Variants in YTHDC1 observed in about 807,000 individuals in gnomAD.
The protein encoded by YTHDC1 is YTH domain-containing protein 1.
In YTHDC1, 12 loss-of-function variants were observed where a neutral mutation model predicts 107.0. The ratio of observed to expected loss-of-function variants is 0.11; its 90% CI spans 0.07 to 0.18. The LOEUF (loss-of-function observed/expected upper bound fraction) is 0.18. YTHDC1 is among the 10% of genes least tolerant of loss of function. The pLI, the probability that YTHDC1 is intolerant of heterozygous loss-of-function variation, is 1.00. For missense variants in YTHDC1, 635 were observed against 898.8 expected, an observed-to-expected ratio of 0.71 and a Z score of 3.75; for synonymous variants, 280 against 289.5, an observed-to-expected ratio of 0.97 and a Z score of 0.33.
chr4:68,349,923 T>TC lies in YTHDC1; in HGVS notation c.-171dup, dbSNP rs1173357863. 1 of 854,032 alleles carries TC rather than the reference T, an allele frequency of 1.2e-6. No homozygotes were observed. The highest frequency in any genetic ancestry group is 1.8e-6 in the Non-Finnish European group (1 of 545,082). The allele number at this position is 854,032 out of a possible 1,614,324, so 52.9% of individuals were successfully genotyped here. ...AGCCTTCTCGACTCTTCCCGCTTTTTCCCTTTCTCCCTTCCTTTCACTCCA... is the reference window on the plus strand; with the variant it reads ...AGCCTTCTCGACTCTTCCCGCTTTTTCCCCTTTCTCCCTTCCTTTCACTCCA... On this transcript the variant is annotated 5_prime_UTR_variant, in exon 1 of 17. Transcript: ENST00000344157.
chr4:68,336,941 T>G, intron 4 of YTHDC1, 86 bp downstream of exon 4: 1 of 1,486,534 alleles, frequency 6.7e-7, no homozygotes, highest in Non-Finnish European at 8.9e-7. Context: ...CCCCATCTCC[T>G]CAACAATTTT....
chr4:68,331,977 T>G, intron 7 of YTHDC1, 126 bp downstream of exon 7: 1 of 506,104 alleles, frequency 2.0e-6, no homozygotes, highest in Non-Finnish European at 3.3e-6. Flanking sequence ...AAGTGGCCAT[T>G]GGAATGTAGA....
At chr4:68,333,036 G>GT (rs1317284167) in intron 5 of YTHDC1, among the ~76,000 whole-genome samples, 189 bp from the exon 6 acceptor site, 5 of 152,000 alleles carry the variant, frequency 3.3e-5, no homozygotes, top group Non-Finnish European at 7.4e-5. Flanking sequence ...TTTTTTAAAA[G>GT]TATGTATATT....
intron 4 of YTHDC1, among the ~76,000 whole-genome samples, chr4:68,335,737 T>C (rs1324748089): frequency 6.6e-6 from 1 of 151,962 alleles, no homozygotes; most frequent in South Asian, 2.1e-4. Flanking sequence ...ATTTATTATC[T>C]TAAATTATAA....
In YTHDC1 at chr4:68,349,967, C is replaced by G; in HGVS notation, c.-214G>C. On this transcript the variant is annotated 5_prime_UTR_variant, in exon 1 of 17. Transcript: ENST00000344157. ...CACTCCAGCATCCAGCGGCCTAGGCCCAGCCTTCTCGTTAGGGCTCAGACT... is the reference window on the plus strand; with the variant it reads ...CACTCCAGCATCCAGCGGCCTAGGCGCAGCCTTCTCGTTAGGGCTCAGACT... 1 of 664,048 alleles carries G rather than the reference C, an allele frequency of 1.5e-6. No homozygotes were observed. Among genetic ancestry groups the G allele is most frequent in the Non-Finnish European group, 2.6e-6 (1 of 390,956 alleles). 41.1% of individuals were successfully genotyped at this position (664,048 alleles called of 1,614,324 possible).
Position 68,349,993 on chromosome 4 carries a change from C to T in YTHDC1, c.-240G>A. On this transcript the variant is annotated 5_prime_UTR_variant, in exon 1 of 17. Transcript: ENST00000344157. Reference sequence around the variant, plus strand: ...CAGCCTTCTCGTTAGGGCTCAGACTCGGGCTAGGTATGGGGGAGGGAAGGG... The same window carrying T: ...CAGCCTTCTCGTTAGGGCTCAGACTTGGGCTAGGTATGGGGGAGGGAAGGG... 3.3e-6 allele frequency: 2 copies of T among 605,378 alleles called. No individual in the cohort carries two copies. The highest frequency in any genetic ancestry group is 3.0e-5 in the Admixed American group (1 of 33,722). The allele number at this position is 605,378 out of a possible 1,614,324, so 37.5% of individuals were successfully genotyped here.
intron 9 of YTHDC1, among the ~76,000 whole-genome samples, chr4:68,327,103 G>T (rs1723074749): frequency 6.6e-6 from 1 of 151,698 alleles, no homozygotes; most frequent in Non-Finnish European, 1.5e-5. Flanking sequence ...GGGCGTGGTG[G>T]CACATGCCTG....
At chr4:68,332,512 CATAT>C (rs1336044385) in intron 6 of YTHDC1, among the ~76,000 whole-genome samples, 1 of 151,982 alleles carries the variant, frequency 6.6e-6, no homozygotes, top group Non-Finnish European at 1.5e-5. Flanking sequence ...TATATACATA[CATAT>C]ATATACACAC....
chr4:68,317,265 T>C lies in YTHDC1; in HGVS notation c.1825-817A>G, dbSNP rs141318177. Among the ~76,000 whole-genome samples the C allele has an allele frequency of 4.9e-4, 74 of 152,276 alleles. 1 individual carries two copies. The East Asian group carries it at 0.014, about 29-fold the overall frequency. ...GGAGCAAATTAACTTTTAAATGCCA[T>C]TTAAAAAATGAATAAAGGGTAAATT... is the stretch of plus-strand genomic sequence containing the variant. On this transcript the variant is annotated intron_variant, in intron 15 of 16. Transcript: ENST00000344157.
In YTHDC1 at chr4:68,349,831, G is replaced by A. The variant is rs561499692; in HGVS notation, c.-78C>T. The A allele has an allele frequency of 5.2e-4, 829 of 1,601,348 alleles. 4 individuals are homozygous for A. The African/African-American group carries it at 9.7e-3, about 19-fold the overall frequency. ...TCGCGCGGGCGCCGCAGCCGCGGCAGAAGCACGGGCCCGTCCGTCAGTCCG... is the reference window on the plus strand; with the variant it reads ...TCGCGCGGGCGCCGCAGCCGCGGCAAAAGCACGGGCCCGTCCGTCAGTCCG... On this transcript the variant is annotated 5_prime_UTR_variant, in exon 1 of 17. Transcript: ENST00000344157.
At chr4:68,318,147 G>C (rs1469212220) in intron 15 of YTHDC1, among the ~76,000 whole-genome samples, 6 of 152,182 alleles carry the variant, frequency 3.9e-5, no homozygotes, top group Admixed American at 6.5e-5. Flanking sequence ...GCCCAGGCTG[G>C]AGTGCAGTGG....
intron 1 of YTHDC1, among the ~76,000 whole-genome samples, chr4:68,344,674 C>G (rs1421908996): frequency 1.3e-5 from 2 of 152,116 alleles, no homozygotes; most frequent in Non-Finnish European, 2.9e-5. Context: ...TATACACAAA[C>G]TAATAGCAAA....
At position 68,310,601 on chromosome 4, in the gene YTHDC1, C is replaced by G. The variant is rs1182982756; in HGVS notation, c.*3498G>C. 6.6e-6 allele frequency: 1 copy of G among 152,172 alleles called. No homozygotes were observed. Among genetic ancestry groups the G allele is most frequent in the Admixed American group, 6.5e-5 (1 of 15,278 alleles). The allele number at this position is 152,172 out of a possible 1,614,324, so 9.4% of individuals were successfully genotyped here. A position where few individuals can be genotyped will look rare whatever the true frequency, so the allele number is the denominator to read the frequency against. ...GGATTCCTATTCCTACTATAAGGAA[C>G]TTGGGGACTAAACTTGAGCCAGTTC... On this transcript the variant is annotated 3_prime_UTR_variant, in exon 17 of 17. Coordinates refer to ENST00000344157, the MANE Select transcript of YTHDC1 (RefSeq NM_001031732.4).
Position 68,325,169 on chromosome 4 carries a change from A to G in YTHDC1, c.1350-946T>C, listed in dbSNP as rs577589274. ...CAAAGTACATACAAAGACGAGAAAG[A>G]TAAGAGTTTGCATCCCTAACCTTTC... is the stretch of plus-strand genomic sequence containing the variant. On this transcript the variant is annotated intron_variant, in intron 9 of 16. Transcript: ENST00000344157. 7.1e-4 allele frequency among the ~76,000 whole-genome samples: 108 copies of G among 152,360 alleles called. 2 individuals are homozygous for G. The South Asian group carries it at 0.022, about 31-fold the overall frequency.
At chr4:68,330,442 A>C in intron 7 of YTHDC1, 132 bp from the exon 8 acceptor site, 1 of 531,120 alleles carries the variant, frequency 1.9e-6, no homozygotes, top group Non-Finnish European at 3.2e-6. Context: ...GAAAGGTTTT[A>C]TTTATCAGCT....
chr4:68,349,815 C>A lies in YTHDC1; in HGVS notation c.-62G>T. On this transcript the variant is annotated 5_prime_UTR_variant, in exon 1 of 17. Coordinates refer to ENST00000344157, the MANE Select transcript of YTHDC1 (RefSeq NM_001031732.4). The stretch of plus-strand genomic sequence containing the variant: ...GCCGCTTAGACGCGACTCGCGCGGG[C>A]GCCGCAGCCGCGGCAGAAGCACGGG... The A allele has an allele frequency of 3.1e-6, 5 of 1,608,782 alleles. No homozygotes were observed. The South Asian group carries it at 3.3e-5, about 11-fold the overall frequency.
intron 1 of YTHDC1, among the ~76,000 whole-genome samples, chr4:68,340,112 A>G (rs752735357): frequency 1.7e-4 from 26 of 152,286 alleles, no homozygotes; most frequent in Middle Eastern, 3.4e-3. Flanking sequence ...CAAAGCCCAC[A>G]TGAATTACAG....
intron 4 of YTHDC1, among the ~76,000 whole-genome samples, chr4:68,335,433 T>C (rs965785962): frequency 6.6e-6 from 1 of 152,146 alleles, no homozygotes; most frequent in African/African-American, 2.4e-5. Flanking sequence ...TCAAGATTTA[T>C]TATAAAACTA....
In YTHDC1 at chr4:68,346,100, T is replaced by TATACAC. The variant is rs144743953; in HGVS notation, c.28+3625_28+3626insGTGTAT. Among the ~76,000 whole-genome samples the TATACAC allele has an allele frequency of 1.3e-3, 170 of 134,154 alleles. 1 individual carries two copies. The highest frequency in any genetic ancestry group is 4.6e-3 in the East Asian group (22 of 4,734). 88.0% of individuals were successfully genotyped at this position (134,154 alleles called of 152,430 possible). On this transcript the variant is annotated intron_variant, in intron 1 of 16. Transcript: ENST00000344157. ...GTACATATATATATATATATATATATACACACACACCTGCATGTAACCGTC... is the reference window on the plus strand; with the variant it reads ...GTACATATATATATATATATATATATATACACACACACACACCTGCATGTAACCGTC...
Sources: gnomAD v4.1 joint callset for allele counts (sites outside exome capture counted in the v4.1 genomes callset) on GRCh38, gnomAD v4.1.1 for gene constraint, MANE v1.5 for transcripts, NCBI Gene and HGNC (gene_info 2026-07-23, HGNC 2026-07-21) for gene names.